Variants in AGBL1 observed in about 807,000 individuals in gnomAD.
AGBL1 encodes AGBL carboxypeptidase 1.
Under a neutral mutation model 118.9 loss-of-function variants are expected in AGBL1, and 130 were observed. The ratio of observed to expected loss-of-function variants is 1.09; its 90% CI spans 0.95 to 1.26. The LOEUF (loss-of-function observed/expected upper bound fraction) is 1.26. Ranked by LOEUF, AGBL1 falls within the 50% of genes most tolerant of loss-of-function variation. AGBL1 has a pLI of 0.00. For missense variants in AGBL1, 1,584 were observed against 1,298.1 expected (o/e 1.22, Z -3.38); for synonymous variants, 555 against 478.9 (o/e 1.16, Z -2.08).
intron 1 of AGBL1, among the ~76,000 whole-genome samples, chr15:86,112,278 A>G (rs1897435529): frequency 6.6e-6 from 1 of 152,212 alleles, no homozygotes; most frequent in Admixed American, 6.5e-5. Flanking sequence ...CTGCATTGAT[A>G]GAAAGGCTGA....
intron 5 of AGBL1, among the ~76,000 whole-genome samples, chr15:86,163,298 G>A (rs2077292687): frequency 6.6e-6 from 1 of 152,164 alleles, no homozygotes; most frequent in Non-Finnish European, 1.5e-5. Flanking sequence ...GTGTGGTGGT[G>A]CACACCTGTA....
intron 1 of AGBL1, among the ~76,000 whole-genome samples, chr15:86,096,818 C>G (rs185519391): frequency 6.6e-6 from 1 of 152,156 alleles, no homozygotes; most frequent in African/African-American, 2.4e-5. Flanking sequence ...ACCCTATGTC[C>G]CAGCTTCCCC....
chr15:86,689,126 T>A (rs994111980), intron 22 of AGBL1, among the ~76,000 whole-genome samples: 2 of 152,160 alleles, frequency 1.3e-5, no homozygotes, highest in African/African-American at 4.8e-5. Context: ...TCTGTTTCTC[T>A]AACAGCCTGA....
chr15:86,829,357 A>G (rs2079074082), intron 22 of AGBL1, among the ~76,000 whole-genome samples: 1 of 152,202 alleles, frequency 6.6e-6, no homozygotes. Flanking sequence ...AAGCCTCTGC[A>G]ACAGGCTCAG....
At chr15:87,017,785 G>A (rs924741069) in intron 24 of AGBL1, among the ~76,000 whole-genome samples, 1 of 152,088 alleles carries the variant, frequency 6.6e-6, no homozygotes, top group African/African-American at 2.4e-5. Context: ...CACAGAACAG[G>A]GCTGAGGCTG....
chr15:86,350,357 G>A (rs943528998), intron 17 of AGBL1, among the ~76,000 whole-genome samples: 5 of 152,222 alleles, frequency 3.3e-5, no homozygotes, highest in Non-Finnish European at 7.3e-5. Context: ...TGAACATGTT[G>A]CTTTTCAAGC....
rs145388461 is a variant in AGBL1 at position 86,962,940 on chromosome 15, A to G, written c.3222-25047A>G. On this transcript the variant is annotated intron_variant, in intron 23 of 24. Coordinates refer to the AGBL1 transcript ENST00000441037. The stretch of plus-strand genomic sequence containing the variant: ...ATGAATATCACACATTTCTGCATGT[A>G]AATTAGAAAACACAAACTAGAAACA... Among the ~76,000 whole-genome samples, 6 of 152,244 alleles carry G rather than the reference A, an allele frequency of 3.9e-5. No homozygotes were observed. The East Asian group carries it at 1.2e-3, about 29-fold the overall frequency.
intron 19 of AGBL1, among the ~76,000 whole-genome samples, chr15:86,545,186 T>G (rs1238089808): frequency 6.6e-6 from 1 of 152,230 alleles, no homozygotes; most frequent in Non-Finnish European, 1.5e-5. Flanking sequence ...TTCTTTAGCC[T>G]GGATCCTAGA....
chr15:86,394,095 C>T (rs1403369956), intron 17 of AGBL1, among the ~76,000 whole-genome samples: 1 of 152,098 alleles, frequency 6.6e-6, no homozygotes, highest in South Asian at 2.1e-4. Context: ...GCTATGGAAG[C>T]CCAGAAAAAG....
chr15:86,804,916 C>T (rs1306590987), intron 22 of AGBL1, among the ~76,000 whole-genome samples: 1 of 152,082 alleles, frequency 6.6e-6, no homozygotes, highest in East Asian at 1.9e-4. Context: ...AAACCAAGAG[C>T]TCAAAGCTAA....
intron 18 of AGBL1, among the ~76,000 whole-genome samples, chr15:86,458,326 T>C (rs567230925): frequency 6.6e-6 from 1 of 152,288 alleles, no homozygotes; most frequent in South Asian, 2.1e-4. Flanking sequence ...ATGCCATATG[T>C]AGTCTATATG....
At chr15:86,845,485 C>T (rs951403859) in intron 22 of AGBL1, among the ~76,000 whole-genome samples, 6 of 151,876 alleles carry the variant, frequency 4.0e-5, no homozygotes, top group African/African-American at 7.3e-5. Flanking sequence ...TTTTTTAATG[C>T]TTTGCCCAAT....
chr15:86,497,772 T>C (rs1377661964), intron 18 of AGBL1, among the ~76,000 whole-genome samples: 1 of 151,972 alleles, frequency 6.6e-6, no homozygotes, highest in Non-Finnish European at 1.5e-5. Flanking sequence ...CATTCAGAGC[T>C]ACCTGGTGCA....
intron 18 of AGBL1, among the ~76,000 whole-genome samples, chr15:86,403,854 T>A (rs1419974215): frequency 3.3e-5 from 5 of 152,304 alleles, no homozygotes; most frequent in African/African-American, 1.2e-4. Context: ...GGGCAGATTC[T>A]TGTATATTAT....
At chr15:87,027,711 AAGG>A (rs2081746675) in intron 24 of AGBL1, among the ~76,000 whole-genome samples, 1 of 151,984 alleles carries the variant, frequency 6.6e-6, no homozygotes, top group Non-Finnish European at 1.5e-5. Flanking sequence ...TATAAAAAGG[AAGG>A]AGATTATGTC....
At chr15:86,609,897 G>T (rs955203315) in intron 21 of AGBL1, among the ~76,000 whole-genome samples, 1 of 152,064 alleles carries the variant, frequency 6.6e-6, no homozygotes, top group Non-Finnish European at 1.5e-5. Context: ...CTGTTTAACA[G>T]ACCCTATCTC....
At chr15:86,693,255 A>C (rs1379722349) in intron 22 of AGBL1, among the ~76,000 whole-genome samples, 1 of 152,048 alleles carries the variant, frequency 6.6e-6, no homozygotes, top group Non-Finnish European at 1.5e-5. Context: ...TTTTCACTGC[A>C]TCCACACCGA....
At chr15:86,457,982 C>T (rs916621159) in intron 18 of AGBL1, among the ~76,000 whole-genome samples, 5 of 151,890 alleles carry the variant, frequency 3.3e-5, no homozygotes, top group East Asian at 3.9e-4. Context: ...GGAAGGCTGA[C>T]GGAATAAAAG....
At chr15:86,649,396 G>A (rs1206728733) in intron 21 of AGBL1, among the ~76,000 whole-genome samples, 1 of 152,156 alleles carries the variant, frequency 6.6e-6, no homozygotes, top group Non-Finnish European at 1.5e-5. Flanking sequence ...TTCAACAAGA[G>A]AGTAGGAGAA....
Sources: allele counts gnomAD v4.1 joint callset (sites outside exome capture counted in the v4.1 genomes callset), GRCh38; gene constraint gnomAD v4.1.1; transcripts MANE v1.5; gene names NCBI Gene and HGNC (gene_info 2026-07-23, HGNC 2026-07-21).